Variants in PARD3 observed in about 807,000 individuals in gnomAD.
The protein encoded by PARD3 is par-3 family cell polarity regulator.
PARD3 carries 75 observed loss-of-function variants against 155.4 expected under a neutral mutation model. The observed-to-expected ratio is 0.48, with a 90% CI of 0.40 to 0.58. PARD3 has a LOEUF of 0.58. PARD3 is among the 20% of genes least tolerant of loss of function. The pLI is 0.00. For missense variants in PARD3, 1,642 were observed against 1,721.7 expected (o/e 0.95, Z 0.82); for synonymous variants, 576 against 610.5 (o/e 0.94, Z 0.83).
At chr10:34,123,409 TA>T (rs1947109850) in intron 23 of PARD3, among the ~76,000 whole-genome samples, 1 of 152,114 alleles carries the variant, frequency 6.6e-6, no homozygotes, top group Non-Finnish European at 1.5e-5. Flanking sequence ...GGGTAAAATA[TA>T]AAAAAATATT....
chr10:34,651,370 T>C (rs562256245), intron 2 of PARD3, among the ~76,000 whole-genome samples: 1 of 152,326 alleles, frequency 6.6e-6, no homozygotes, highest in African/African-American at 2.4e-5. Flanking sequence ...ACAGGCTTTC[T>C]CTGTGCAGAG....
At chr10:34,595,951 A>C (rs1343492832) in intron 2 of PARD3, among the ~76,000 whole-genome samples, 1 of 152,178 alleles carries the variant, frequency 6.6e-6, no homozygotes, top group Non-Finnish European at 1.5e-5. Flanking sequence ...ACATTGTGAG[A>C]CCCTGTCTTT....
chr10:34,535,980 G>A (rs953945102), intron 2 of PARD3, among the ~76,000 whole-genome samples: 2 of 152,118 alleles, frequency 1.3e-5, no homozygotes, highest in Non-Finnish European at 2.9e-5. Flanking sequence ...AGTCAGTACT[G>A]TTATTAATAG....
chr10:34,649,299 A>G (rs1403938593), intron 2 of PARD3, among the ~76,000 whole-genome samples: 1 of 152,230 alleles, frequency 6.6e-6, no homozygotes, highest in Non-Finnish European at 1.5e-5. Context: ...AAGGTAAAAC[A>G]GAAATGTGTG....
At chr10:34,546,682 T>C (rs953520873) in intron 2 of PARD3, among the ~76,000 whole-genome samples, 2 of 152,160 alleles carry the variant, frequency 1.3e-5, no homozygotes, top group Non-Finnish European at 2.9e-5. Flanking sequence ...TTGCAGATCA[T>C]AGCAATTACC....
chr10:34,185,844 T>C (rs1269312197), intron 22 of PARD3, among the ~76,000 whole-genome samples: 1 of 140,858 alleles, frequency 7.1e-6, no homozygotes, highest in African/African-American at 2.9e-5. Flanking sequence ...TATTATATTA[T>C]ATTATATTAT....
At chr10:34,657,874 C>T (rs1359027762) in intron 2 of PARD3, among the ~76,000 whole-genome samples, 5 of 150,970 alleles carry the variant, frequency 3.3e-5, no homozygotes, top group African/African-American at 1.2e-4. Flanking sequence ...CAGCCAGGCG[C>T]GGTGGCTCAC....
intron 5 of PARD3, among the ~76,000 whole-genome samples, chr10:34,403,778 G>A (rs1844149285): frequency 6.6e-6 from 1 of 152,190 alleles, no homozygotes; most frequent in South Asian, 2.1e-4. Context: ...ACTGCACTTG[G>A]AATGTAAACA....
Position 34,584,306 on chromosome 10 carries a change from A to G in PARD3, c.223-67147T>C, listed in dbSNP as rs935840871. 2.6e-5 allele frequency among the ~76,000 whole-genome samples: 4 copies of G among 152,186 alleles called. No individual in the cohort carries two copies. In the South Asian group the frequency reaches 6.2e-4, roughly 24 times the overall value. ...TGTTGTCTCAGAATATTACAATGCT[A>G]AAGTCTTTCTAGTGTAGTAAGGAGG... On this transcript the variant is annotated intron_variant, in intron 2 of 24. Transcript: ENST00000374788.
intron 1 of PARD3, among the ~76,000 whole-genome samples, chr10:34,774,200 T>C (rs531430438): frequency 4.5e-4 from 68 of 152,280 alleles, no homozygotes; most frequent in African/African-American, 1.4e-3. Context: ...TATTAGGAAA[T>C]TATAACTCCA....
chr10:34,391,701 T>C (rs1842884784), intron 7 of PARD3, among the ~76,000 whole-genome samples: 1 of 152,248 alleles, frequency 6.6e-6, no homozygotes, highest in Non-Finnish European at 1.5e-5. Context: ...TTTCTGAATA[T>C]AGATTAATTA....
intron 1 of PARD3, among the ~76,000 whole-genome samples, chr10:34,710,508 T>C (rs772318022): frequency 6.6e-6 from 1 of 152,182 alleles, no homozygotes. Flanking sequence ...CTGTGCCACA[T>C]CTTGCTACAT....
At chr10:34,796,787 C>A (rs535664368) in intron 1 of PARD3, among the ~76,000 whole-genome samples, 1 of 152,146 alleles carries the variant, frequency 6.6e-6, no homozygotes, top group Non-Finnish European at 1.5e-5. Flanking sequence ...GAGTTCAAGG[C>A]CAGCCTGGCC....
chr10:34,454,753 T>C (rs1430306018), intron 4 of PARD3, among the ~76,000 whole-genome samples: 1 of 152,160 alleles, frequency 6.6e-6, no homozygotes, highest in African/African-American at 2.4e-5. Context: ...GAAAAACAGA[T>C]GTTCCTGCTG....
chr10:34,139,771 C>T (rs1044113923), intron 22 of PARD3, among the ~76,000 whole-genome samples: 1 of 152,182 alleles, frequency 6.6e-6, no homozygotes, highest in African/African-American at 2.4e-5. Flanking sequence ...GACAGACTGT[C>T]AGCATGACAA....
chr10:34,336,431 T>C, intron 17 of PARD3, 188 bp from the exon 18 acceptor site: 1 of 536,474 alleles, frequency 1.9e-6, no homozygotes, highest in Non-Finnish European at 3.3e-6. Flanking sequence ...CCATGCAATA[T>C]GCCAGTCATT....
At chr10:34,666,804 T>C (rs376707549) in intron 2 of PARD3, among the ~76,000 whole-genome samples, 1 of 28,766 alleles carries the variant, frequency 3.5e-5, no homozygotes, top group Non-Finnish European at 8.9e-5. Flanking sequence ...AAAATATATA[T>C]ATATATATAT....
intron 2 of PARD3, among the ~76,000 whole-genome samples, chr10:34,625,860 G>A (rs115508825): frequency 0.014 from 2,107 of 151,386 alleles, 56 homozygotes; most frequent in African/African-American, 0.047. Context: ...GAGGTGAGCC[G>A]AGATCACACC....
At chr10:34,769,247 G>A (rs532801010) in intron 1 of PARD3, among the ~76,000 whole-genome samples, 17 of 152,152 alleles carry the variant, frequency 1.1e-4, no homozygotes, top group Admixed American at 2.6e-4. Context: ...CCGGTACGGC[G>A]ACCACCAGGG....
Sources: gnomAD v4.1 joint callset for allele counts (sites outside exome capture counted in the v4.1 genomes callset) on GRCh38, gnomAD v4.1.1 for gene constraint, MANE v1.5 for transcripts, NCBI Gene and HGNC (gene_info 2026-07-23, HGNC 2026-07-21) for gene names.